The following DISC1 variants were observed in gnomAD, a reference collection of about 807,000 sequenced individuals.
The protein encoded by DISC1 is disrupted in schizophrenia 1 protein.
Under a neutral mutation model 84.5 loss-of-function variants are expected in DISC1, and 57 were observed. The observed-to-expected ratio is 0.67, with a 90% CI of 0.55 to 0.84. DISC1 has a LOEUF of 0.84. DISC1 is among the 40% of genes least tolerant of loss of function. The probability of loss-of-function intolerance (pLI) is 0.00; values close to 1 mark genes in which losing one functional copy is unlikely to be tolerated. For missense variants in DISC1, 1,000 were observed against 1,057.8 expected (o/e 0.95, Z 0.76); for synonymous variants, 411 against 415.2 (o/e 0.99, Z 0.12).
chr1:231,992,299 G>A (rs1383979203), intron 10 of DISC1, among the ~76,000 whole-genome samples: 1 of 152,092 alleles, frequency 6.6e-6, no homozygotes, highest in East Asian at 1.9e-4. Flanking sequence ...CAAATCACGT[G>A]TTGATTGGCT....
intron 11 of DISC1, among the ~76,000 whole-genome samples, chr1:232,012,569 G>T (rs1035614794): frequency 1.3e-5 from 2 of 152,160 alleles, no homozygotes; most frequent in African/African-American, 4.8e-5. Context: ...ATCCTATACT[G>T]GTTTCTCTAC....
At chr1:232,027,923 G>T (rs1669630811) in intron 12 of DISC1, among the ~76,000 whole-genome samples, 1 of 151,554 alleles carries the variant, frequency 6.6e-6, no homozygotes, top group Non-Finnish European at 1.5e-5. Context: ...TTCCTTCCTT[G>T]TTATAACTTT....
At chr1:231,721,396 C>G (rs2069673599) in intron 3 of DISC1, among the ~76,000 whole-genome samples, 1 of 152,176 alleles carries the variant, frequency 6.6e-6, no homozygotes, top group African/African-American at 2.4e-5. Flanking sequence ...CTTAGTACCA[C>G]AGTTGAGGAT....
intron 10 of DISC1, among the ~76,000 whole-genome samples, chr1:232,004,371 A>G (rs1456520218): frequency 6.6e-6 from 1 of 152,074 alleles, no homozygotes; most frequent in Non-Finnish European, 1.5e-5. Flanking sequence ...AGTAAAACAC[A>G]TACTGAAAAG....
At chr1:231,789,610 C>T (rs1352665583) in intron 6 of DISC1, among the ~76,000 whole-genome samples, 2 of 152,156 alleles carry the variant, frequency 1.3e-5, no homozygotes, top group Non-Finnish European at 2.9e-5. Context: ...TTGGTCAGAT[C>T]AGTTATCTTT....
intron 10 of DISC1, among the ~76,000 whole-genome samples, chr1:231,960,265 T>C (rs931871620): frequency 3.3e-5 from 5 of 152,154 alleles, no homozygotes; most frequent in Non-Finnish European, 4.4e-5. Context: ...TATTTATTTA[T>C]TTATTTTGAG....
chr1:231,701,679 G>A (rs955030338), intron 2 of DISC1, among the ~76,000 whole-genome samples: 1 of 152,178 alleles, frequency 6.6e-6, no homozygotes, highest in Non-Finnish European at 1.5e-5. Context: ...TCTTCATGCA[G>A]ATGAGGGCAC....
intron 11 of DISC1, among the ~76,000 whole-genome samples, chr1:232,020,042 C>T (rs992681022): frequency 1.3e-5 from 2 of 152,002 alleles, no homozygotes; most frequent in Admixed American, 6.6e-5. Flanking sequence ...CCACTTTGCC[C>T]AAGTTACATG....
At chr1:231,978,138 C>A (rs950282798) in intron 10 of DISC1, among the ~76,000 whole-genome samples, 3 of 151,990 alleles carry the variant, frequency 2.0e-5, no homozygotes, top group African/African-American at 7.3e-5. Context: ...ATATTTATGG[C>A]CGAGAATTTG....
chr1:231,738,459 A>G (rs2072813122), intron 3 of DISC1, among the ~76,000 whole-genome samples: 1 of 152,064 alleles, frequency 6.6e-6, no homozygotes. Context: ...TTGTTGGATG[A>G]CCTTCAGCCT....
intron 1 of DISC1, among the ~76,000 whole-genome samples, chr1:231,663,400 C>T (rs2061724102): frequency 6.6e-6 from 1 of 152,164 alleles, no homozygotes; most frequent in South Asian, 2.1e-4. Flanking sequence ...GCTAGTCCAG[C>T]CTCTCTCATG....
chr1:231,842,807 G>C (rs1245032267), intron 9 of DISC1, among the ~76,000 whole-genome samples: 1 of 152,164 alleles, frequency 6.6e-6, no homozygotes, highest in Non-Finnish European at 1.5e-5. Flanking sequence ...TACATAATTT[G>C]AGTATGGGTC....
chr1:231,666,804 C>A (rs1254822719), intron 1 of DISC1, among the ~76,000 whole-genome samples: 1 of 152,122 alleles, frequency 6.6e-6, no homozygotes, highest in Non-Finnish European at 1.5e-5. Flanking sequence ...GGAGGACTGG[C>A]AACATGTAGA....
chr1:231,831,564 AT>A (rs57740315), intron 9 of DISC1, among the ~76,000 whole-genome samples: 11,733 of 152,096 alleles, frequency 0.077, 387 homozygotes, highest in African/African-American at 0.13. Flanking sequence ...CCTTATCAGC[AT>A]AAGCGTTGCC....
At chr1:231,662,446 C>T (rs904596245) in intron 1 of DISC1, among the ~76,000 whole-genome samples, 5 of 152,154 alleles carry the variant, frequency 3.3e-5, no homozygotes, top group Non-Finnish European at 7.3e-5. Context: ...CCCTTGTTGG[C>T]GTGGCTGAAG....
At chr1:231,856,794 C>T (rs1476885574) in intron 9 of DISC1, among the ~76,000 whole-genome samples, 1 of 152,180 alleles carries the variant, frequency 6.6e-6, no homozygotes, top group African/African-American at 2.4e-5. Flanking sequence ...AAGGTGGTGG[C>T]AGGGGAGTCC....
At chr1:231,933,677 A>T (rs2090804727) in intron 9 of DISC1, among the ~76,000 whole-genome samples, 2 of 152,166 alleles carry the variant, frequency 1.3e-5, no homozygotes, top group African/African-American at 4.8e-5. Flanking sequence ...CAGAAAAAAA[A>T]TTTTCCAACC....
chr1:231,866,807 AG>A, intron 9 of DISC1: 3 of 1,043,462 alleles, frequency 2.9e-6, no homozygotes, highest in Middle Eastern at 3.6e-4. Context: ...AAGTCATGAT[AG>A]TTTCTTAATA....
chr1:231,911,640 C>G (rs899431841), intron 9 of DISC1, among the ~76,000 whole-genome samples: 2 of 152,160 alleles, frequency 1.3e-5, no homozygotes, highest in South Asian at 4.1e-4. Context: ...GTGAATCTGA[C>G]AATTATGTGT....
Sources: allele counts gnomAD v4.1 joint callset (sites outside exome capture counted in the v4.1 genomes callset), GRCh38; gene constraint gnomAD v4.1.1; transcripts MANE v1.5; gene names NCBI Gene and HGNC (gene_info 2026-07-23, HGNC 2026-07-21).